Variants in ZBTB20 observed in about 807,000 individuals in gnomAD.
The protein encoded by ZBTB20 is zinc finger and BTB domain-containing protein 20.
In ZBTB20, 9 loss-of-function variants were observed where a neutral mutation model predicts 56.9. The ratio of observed to expected loss-of-function variants is 0.16; its 90% CI spans 0.10 to 0.28. ZBTB20 has a LOEUF of 0.28. ZBTB20 is among the 10% of genes least tolerant of loss of function. The pLI, the probability that ZBTB20 is intolerant of heterozygous loss-of-function variation, is 1.00. For synonymous variants in ZBTB20, 417 were observed against 420.7 expected (o/e 0.99, Z 0.11); for missense variants, 655 against 1,003.0 (o/e 0.65, Z 4.69).
intron 4 of ZBTB20, among the ~76,000 whole-genome samples, chr3:114,832,341 T>G (rs1579068702): frequency 6.6e-6 from 1 of 152,070 alleles, no homozygotes. Flanking sequence ...ACCTCATTCT[T>G]TGATATATAG....
chr3:114,387,940 G>C (rs900328574), intron 8 of ZBTB20: 2 of 152,218 alleles, frequency 1.3e-5, no homozygotes, highest in African/African-American at 2.4e-5. Context: ...CTATGATTCA[G>C]TTGACTGGAA....
At chr3:114,930,465 G>C (rs1204127029) in intron 3 of ZBTB20, 1 of 152,896 alleles carries the variant, frequency 6.5e-6, no homozygotes, top group Admixed American at 6.5e-5. Context: ...GCCCTGAGCA[G>C]CCCCACCACC....
intron 11 of ZBTB20, among the ~76,000 whole-genome samples, chr3:114,340,955 T>C (rs1427326489): frequency 6.6e-6 from 1 of 152,220 alleles, no homozygotes; most frequent in East Asian, 1.9e-4. Context: ...AATCACCATG[T>C]ATTGAGTGCT....
chr3:114,792,938 C>A (rs1330442887), intron 5 of ZBTB20, among the ~76,000 whole-genome samples: 1 of 144,638 alleles, frequency 6.9e-6, no homozygotes, highest in Admixed American at 7.2e-5. Flanking sequence ...TGCAATGGTG[C>A]GATCTCAGCT....
At chr3:114,543,062 C>T (rs2049306272) in intron 6 of ZBTB20, among the ~76,000 whole-genome samples, 2 of 151,892 alleles carry the variant, frequency 1.3e-5, no homozygotes, top group African/African-American at 4.8e-5. Flanking sequence ...ATTCCAGGAC[C>T]CCACTGCAGA....
chr3:115,125,879 C>A (rs574281328), intron 1 of ZBTB20, among the ~76,000 whole-genome samples: 1 of 151,982 alleles, frequency 6.6e-6, no homozygotes, highest in African/African-American at 2.4e-5. Context: ...AGCTAATAAT[C>A]ATTTTTTAAA....
chr3:115,040,127 T>C (rs982838945), intron 2 of ZBTB20, among the ~76,000 whole-genome samples: 2 of 152,106 alleles, frequency 1.3e-5, no homozygotes, highest in African/African-American at 2.4e-5. Flanking sequence ...AAGTTACATA[T>C]ATAATTTTTT....
At chr3:114,813,185 CTG>C (rs1293551507) in intron 4 of ZBTB20, among the ~76,000 whole-genome samples, 1 of 152,250 alleles carries the variant, frequency 6.6e-6, no homozygotes, top group Non-Finnish European at 1.5e-5. Flanking sequence ...GCAGCCAGGA[CTG>C]TGAGGACTGC....
chr3:114,631,835 T>C (rs2058974492), intron 6 of ZBTB20, among the ~76,000 whole-genome samples: 1 of 152,236 alleles, frequency 6.6e-6, no homozygotes. Context: ...TGATCATTGT[T>C]AGAACTAGTT....
chr3:114,516,374 A>T (rs1246247167), intron 6 of ZBTB20, among the ~76,000 whole-genome samples: 5 of 152,200 alleles, frequency 3.3e-5, no homozygotes, highest in Non-Finnish European at 7.3e-5. Context: ...CTCTATAAAC[A>T]TATATGTCTT....
At position 114,329,735 on chromosome 3, in the gene ZBTB20, A is replaced by AACAAC. The variant is rs1553785011; in HGVS notation, c.*9269_*9270insGTTGT. 1.4e-5 allele frequency: 2 copies of AACAAC among 138,598 alleles called. No homozygotes were observed. Among genetic ancestry groups the AACAAC allele is most frequent in the African/African-American group, 6.1e-5 (2 of 32,850 alleles). The allele number at this position is 138,598 out of a possible 1,614,324, so 8.6% of individuals were successfully genotyped here. A position where few individuals can be genotyped will look rare whatever the true frequency, so the allele number is the denominator to read the frequency against. On this transcript the variant is annotated 3_prime_UTR_variant, in exon 12 of 12. Transcript: ENST00000675478. ...AAAAAAAAAAAAAAAAAAAAAAAAA[A>AACAAC]AACAACTCCCAGGAAAATGAACACT...
rs367659746 is a variant in ZBTB20 at position 114,876,350 on chromosome 3, T to C, written c.-417+23954A>G. ...CTTTGCATCCTCATACTCAGCAGGC[T>C]GAGGCAGAAGGATCGCTTGAGCCCA... On this transcript the variant is annotated intron_variant, in intron 4 of 11. Transcript: ENST00000675478. 7 of 152,120 alleles carry C rather than the reference T, an allele frequency of 4.6e-5. No homozygotes were observed. The East Asian group carries it at 1.4e-3, about 29-fold the overall frequency. The allele number at this position is 152,120 out of a possible 1,614,324, so 9.4% of individuals were successfully genotyped here. A position where few individuals can be genotyped will look rare whatever the true frequency, so the allele number is the denominator to read the frequency against.
At chr3:114,676,733 C>T (rs2061648964) in intron 6 of ZBTB20, among the ~76,000 whole-genome samples, 1 of 149,022 alleles carries the variant, frequency 6.7e-6, no homozygotes, top group African/African-American at 2.4e-5. Context: ...TGCATTATGG[C>T]ATTATCTCAT....
chr3:114,738,358 T>C (rs1286448738), intron 5 of ZBTB20, among the ~76,000 whole-genome samples: 2 of 152,144 alleles, frequency 1.3e-5, no homozygotes, highest in Non-Finnish European at 2.9e-5. Context: ...TATTTTTGTC[T>C]TTCTCCTCTC....
intron 7 of ZBTB20, among the ~76,000 whole-genome samples, chr3:114,425,224 G>GC (rs1347635951): frequency 6.6e-6 from 1 of 151,640 alleles, no homozygotes; most frequent in African/African-American, 2.4e-5. Flanking sequence ...ATTTACAAAA[G>GC]CCAGTTTGTG....
chr3:114,856,566 A>G (rs1016106555), intron 4 of ZBTB20, among the ~76,000 whole-genome samples: 4 of 152,186 alleles, frequency 2.6e-5, no homozygotes, highest in African/African-American at 9.7e-5. Context: ...AATTAAAAAA[A>G]GATACAATAA....
rs2108006244 is a variant in ZBTB20, at chr3:114,322,961, C to T, written c.*16044G>A. 1 of 152,310 alleles carries T rather than the reference C, an allele frequency of 6.6e-6. No homozygotes were observed. The highest frequency in any genetic ancestry group is 1.9e-4 in the East Asian group (1 of 5,182). The allele number at this position is 152,310 out of a possible 1,614,324, so 9.4% of individuals were successfully genotyped here. On this transcript the variant is annotated 3_prime_UTR_variant, in exon 12 of 12. Transcript: ENST00000675478. ...TGTGACAGTGTTCAGAGAAATTCAA[C>T]ATTAGCCATTTATATGGGTTGTGAT...
chr3:114,926,942 T>C (rs1354616476), intron 3 of ZBTB20, among the ~76,000 whole-genome samples: 2 of 152,158 alleles, frequency 1.3e-5, no homozygotes, highest in African/African-American at 4.8e-5. Context: ...ACGGTCTCAC[T>C]ATGTTGCCCA....
intron 7 of ZBTB20, among the ~76,000 whole-genome samples, chr3:114,412,654 A>G (rs2088092753): frequency 6.6e-6 from 1 of 152,096 alleles, no homozygotes. Flanking sequence ...TTGGTCACAG[A>G]TTTCTGCTGC....
Sources: allele counts gnomAD v4.1 joint callset (sites outside exome capture counted in the v4.1 genomes callset), GRCh38; gene constraint gnomAD v4.1.1; transcripts MANE v1.5; gene names NCBI Gene and HGNC (gene_info 2026-07-23, HGNC 2026-07-21).